Variants in RGS3 observed in about 807,000 individuals in gnomAD.
RGS3 encodes the protein regulator of G protein signaling 3.
In RGS3, 80 loss-of-function variants were observed where a neutral mutation model predicts 132.6. The ratio of observed to expected loss-of-function variants is 0.60; its 90% CI spans 0.50 to 0.73. The LOEUF (loss-of-function observed/expected upper bound fraction) is 0.73, where lower values mean the gene tolerates loss of function less well. Among genes scored for constraint, RGS3 ranks in the 30% least tolerant of loss-of-function variants. The pLI is 0.00. For synonymous variants in RGS3, 598 were observed against 620.6 expected (o/e 0.96, Z 0.54); for missense variants, 1,382 against 1,530.8 (o/e 0.90, Z 1.62).
At chr9:113,548,602 C>G (rs573208269) in intron 19 of RGS3, among the ~76,000 whole-genome samples, 1 of 152,298 alleles carries the variant, frequency 6.6e-6, no homozygotes, top group Non-Finnish European at 1.5e-5. Context: ...CTCTTCCTGC[C>G]AGGCCCGATG....
intron 20 of RGS3, among the ~76,000 whole-genome samples, chr9:113,587,830 G>C (rs535600354): frequency 6.6e-6 from 1 of 152,248 alleles, no homozygotes; most frequent in African/African-American, 2.4e-5. Flanking sequence ...TCCCCGCCAT[G>C]GTTCTCCAGC....
chr9:113,475,117 C>G (rs1397798360), intron 3 of RGS3, among the ~76,000 whole-genome samples: 1 of 152,210 alleles, frequency 6.6e-6, no homozygotes, highest in Non-Finnish European at 1.5e-5. Flanking sequence ...TCATTCCCAT[C>G]CAGTATTTTT....
intron 19 of RGS3, among the ~76,000 whole-genome samples, chr9:113,569,031 G>T (rs530996338): frequency 6.6e-6 from 1 of 152,342 alleles, no homozygotes; most frequent in South Asian, 2.1e-4. Context: ...GTGGATAGCT[G>T]CCAGGTATGC....
rs118049114 is a variant in RGS3, at chr9:113,580,426, A to G, written c.2038-3024A>G. 7.8e-3 allele frequency among the ~76,000 whole-genome samples: 1,189 copies of G among 152,304 alleles called. 7 individuals are homozygous for G. The highest frequency in any genetic ancestry group is 0.012 in the Non-Finnish European group (848 of 68,018). Reference sequence around the variant, plus strand: ...TAAGACCACTGATAGCTCCCATTGTATCAAAAGCTTTTCCAGGGCCAGGCA... The same window carrying G: ...TAAGACCACTGATAGCTCCCATTGTGTCAAAAGCTTTTCCAGGGCCAGGCA... On this transcript the variant is annotated intron_variant, in intron 19 of 24. Coordinates refer to ENST00000350696, the Ensembl canonical transcript of RGS3.
chr9:113,538,195 G>A (rs142315799), intron 19 of RGS3, among the ~76,000 whole-genome samples: 1 of 152,340 alleles, frequency 6.6e-6, no homozygotes, highest in East Asian at 1.9e-4. Context: ...TATGCAGTAG[G>A]CACTCACTCA....
At chr9:113,480,446 G>A (rs1429300017) in intron 4 of RGS3, among the ~76,000 whole-genome samples, 1 of 137,156 alleles carries the variant, frequency 7.3e-6, no homozygotes, top group East Asian at 2.1e-4. Flanking sequence ...GCGACAGTAC[G>A]AGACTCCGTC....
intron 24 of RGS3, 36 bp downstream of exon 22, chr9:113,595,801 C>T (rs1199462738): frequency 6.3e-7 from 1 of 1,599,794 alleles, no homozygotes; most frequent in Non-Finnish European, 8.5e-7. Flanking sequence ...CTCCTCCAAT[C>T]CCCAGGGCCC....
rs1434772637 is a variant in RGS3, at chr9:113,565,087, A to T, written c.2038-18363A>T. ...CAGGGGGTGCCGTTGTGAGGGATGG[A>T]CGCCTCTCCCCCGGAGCAGCACTTT... On this transcript the variant is annotated intron_variant, in intron 19 of 24. Coordinates refer to ENST00000350696, the Ensembl canonical transcript of RGS3. This position sits in a 1 kb window ranked among gnomAD's most constrained non-coding sequence, Gnocchi z 5.7. The T allele has an allele frequency of 2.6e-6, 3 of 1,154,916 alleles. No individual in the cohort carries two copies. The highest frequency in any genetic ancestry group is 3.2e-6 in the Non-Finnish European group (3 of 924,460). The allele number at this position is 1,154,916 out of a possible 1,614,324, so 71.5% of individuals were successfully genotyped here.
upstream of RGS3, among the ~76,000 whole-genome samples, chr9:113,457,390 G>T (rs998822860): frequency 6.6e-6 from 1 of 152,152 alleles, no homozygotes; most frequent in Non-Finnish European, 1.5e-5. Context: ...TGCTTCCAGA[G>T]GTTGCTGTGT....
chr9:113,597,250 G>A (rs1835834657), exon 25 of RGS3: 3 of 299,738 alleles, frequency 1.0e-5, no homozygotes, highest in South Asian at 7.5e-5. Flanking sequence ...TGCGGAGACC[G>A]CGGAGGCTTC....
chr9:113,513,417 T>C (rs1831495116), intron 14 of RGS3, among the ~76,000 whole-genome samples: 2 of 152,166 alleles, frequency 1.3e-5, no homozygotes, highest in Admixed American at 6.5e-5. Flanking sequence ...CCGGAGTACC[T>C]CCTGGGTACA....
intron 19 of RGS3, among the ~76,000 whole-genome samples, chr9:113,578,476 G>A (rs73538879): frequency 0.014 from 2,074 of 152,264 alleles, 42 homozygotes; most frequent in African/African-American, 0.043. Flanking sequence ...TGTAAGTACC[G>A]CCTCCATCCT....
upstream of RGS3, among the ~76,000 whole-genome samples, chr9:113,455,516 A>C (rs1324094423): frequency 2.0e-5 from 3 of 151,972 alleles, no homozygotes; most frequent in Non-Finnish European, 4.4e-5. Flanking sequence ...TTATCTTTGG[A>C]CTCAACTTAC....
Position 113,482,252 on chromosome 9 carries a change from G to A in RGS3, c.467-807G>A, listed in dbSNP as rs1469345306. The stretch of plus-strand genomic sequence containing the variant: ...CTTTATTTATTATTATTTTTCTTTA[G>A]CAAACATTTTTTGAGCAATTACTTA... On this transcript the variant is annotated intron_variant, in intron 4 of 24. Coordinates refer to ENST00000350696, the Ensembl canonical transcript of RGS3. 2.0e-5 allele frequency among the ~76,000 whole-genome samples: 3 copies of A among 152,088 alleles called. No homozygotes were observed. The East Asian group carries it at 5.8e-4, about 29-fold the overall frequency.
chr9:113,512,995 G>A (rs182262142), intron 14 of RGS3, among the ~76,000 whole-genome samples: 109 of 152,286 alleles, frequency 7.2e-4, no homozygotes, highest in African/African-American at 2.4e-3. Flanking sequence ...TTGGGAGTTC[G>A]AGACCAGCCT....
At chr9:113,513,451 C>A (rs1173881217) in intron 14 of RGS3, among the ~76,000 whole-genome samples, 1 of 152,166 alleles carries the variant, frequency 6.6e-6, no homozygotes, top group African/African-American at 2.4e-5. Context: ...TTCCCAGAGT[C>A]CTATGGGGCA....
chr9:113,535,558 C>T (rs1189595048), intron 18 of RGS3, among the ~76,000 whole-genome samples: 2 of 152,202 alleles, frequency 1.3e-5, no homozygotes, highest in African/African-American at 4.8e-5. Context: ...CTTGCTTGCC[C>T]TCCTAGTAGC....
intron 3 of RGS3, chr9:113,478,729 T>C (rs1830069294): frequency 6.6e-6 from 1 of 152,190 alleles, no homozygotes; most frequent in Non-Finnish European, 1.5e-5. Context: ...GAAGGATTGC[T>C]TGAGCCCAGG....
intron 19 of RGS3, among the ~76,000 whole-genome samples, chr9:113,570,856 G>A (rs906933460): frequency 1.3e-4 from 20 of 152,020 alleles, no homozygotes; most frequent in East Asian, 3.9e-4. Flanking sequence ...GGCTGGTCTC[G>A]AACTCCTGAC....
Sources: gnomAD v4.1 joint callset for allele counts (sites outside exome capture counted in the v4.1 genomes callset) on GRCh38, gnomAD v4.1.1 for gene constraint, Gnocchi (gnomAD v3.1) non-coding constraint, MANE v1.5 for transcripts, NCBI Gene and HGNC (gene_info 2026-07-23, HGNC 2026-07-21) for gene names.